MROH2B: variants seen among roughly 807,000 people sequenced by gnomAD.
The protein encoded by MROH2B is maestro heat-like repeat-containing protein family member 2B.
A neutral mutation model predicts 208.6 loss-of-function variants in MROH2B; 177 were observed. The observed-to-expected ratio is 0.85, with a 90% CI of 0.75 to 0.96. MROH2B has a LOEUF of 0.96. Among genes scored for constraint, MROH2B ranks in the 40% least tolerant of loss-of-function variants. The pLI is 0.00. For synonymous variants in MROH2B, 728 were observed against 659.0 expected, an observed-to-expected ratio of 1.10 and a Z score of -1.60; for missense variants, 2,002 against 1,878.7, an observed-to-expected ratio of 1.07 and a Z score of -1.21.
intron 17 of MROH2B, 115 bp from the exon 18 acceptor site, chr5:41,045,968 C>T: frequency 1.8e-6 from 1 of 547,484 alleles, no homozygotes; most frequent in Non-Finnish European, 3.0e-6. Context: ...AGTATTATTC[C>T]CTTTTCCATA....
chr5:41,008,742 A>G lies in MROH2B; in HGVS notation c.3472T>C (p.Leu1158=). The G allele has an allele frequency of 1.9e-6, 3 of 1,613,788 alleles. No homozygotes were observed. The highest frequency in any genetic ancestry group is 1.7e-6 in the Non-Finnish European group (2 of 1,179,794). ...AGGAGAGTGAACAGCTCTGGATACA[A>G]GCCGGTGACAGAGGTGCCCATTGAG... ...VISMGTSVTG[L]YPELFTLLLK... The change falls in exon 33 of 42, where the codon TTG becomes CTG. Residue 1158 remains leucine (L), a synonymous_variant. Coordinates refer to ENST00000399564, the MANE Select transcript of MROH2B (RefSeq NM_173489.5).
At chr5:41,005,493 G>C in intron 35 of MROH2B, 38 bp downstream of exon 35, 1 of 1,405,286 alleles carries the variant, frequency 7.1e-7, no homozygotes, top group South Asian at 1.2e-5. Context: ...ACCCTATGGG[G>C]ACCCAGTGAG....
intron 29 of MROH2B, among the ~76,000 whole-genome samples, chr5:41,013,410 A>G (rs149487908): frequency 6.6e-6 from 1 of 152,318 alleles, no homozygotes; most frequent in African/African-American, 2.4e-5. Flanking sequence ...AAAAAGGAGT[A>G]GGAAAGCAGG....
chr5:41,048,509 TA>T, intron 15 of MROH2B, 44 bp from the exon 16 acceptor site: 1 of 1,546,034 alleles, frequency 6.5e-7, no homozygotes, highest in Non-Finnish European at 8.7e-7. Context: ...CAGGGGCGTT[TA>T]AAAGCCCCAC....
Position 41,047,620 on chromosome 5 carries a change from G to A in MROH2B, c.1728+101C>T, listed in dbSNP as rs1743160776. ...TCTTTTCCAAAGAAAGGAAAAGGTT[G>A]TTTATTATCCTCAGGAATCTAGTTC... On this transcript the variant is annotated intron_variant, in intron 17 of 41. Coordinates refer to ENST00000399564, the MANE Select transcript of MROH2B (RefSeq NM_173489.5). 4.7e-6 allele frequency: 5 copies of A among 1,054,942 alleles called. No individual in the cohort carries two copies. In the East Asian group the frequency reaches 7.8e-5, roughly 16 times the overall value. 65.3% of individuals were successfully genotyped at this position (1,054,942 alleles called of 1,614,324 possible).
rs761869268 is a variant in MROH2B at position 41,009,394 on chromosome 5, T to A, written c.3306A>T (p.Thr1102=). Residue 1102 remains threonine, a synonymous_variant, in exon 32 of 42, where the codon ACA becomes ACT. Coordinates refer to ENST00000399564, the MANE Select transcript of MROH2B (RefSeq NM_173489.5). The part of the protein sequence containing the change: ...KPLPFDRDTK[T]LWKALAEKPA... Reference sequence around the variant, plus strand: ...GCTTTTCAGCCAGCGCCTTCCACAATGTCTTTGTGTCCCTAGGGTGGCAAA... The same window carrying A: ...GCTTTTCAGCCAGCGCCTTCCACAAAGTCTTTGTGTCCCTAGGGTGGCAAA... The A allele has an allele frequency of 1.2e-6, 2 of 1,613,796 alleles. No homozygotes were observed. The highest frequency in any genetic ancestry group is 3.3e-5 in the Admixed American group (2 of 60,008).
At chr5:41,041,979 AT>A in intron 19 of MROH2B, 112 bp downstream of exon 19, 1 of 562,266 alleles carries the variant, frequency 1.8e-6, no homozygotes, top group Admixed American at 3.3e-5. Context: ...GAGTGTATTA[AT>A]TGATAATTAT....
intron 24 of MROH2B, 127 bp from the exon 25 acceptor site, chr5:41,019,145 G>A: frequency 1.7e-6 from 2 of 1,189,742 alleles, no homozygotes; most frequent in Non-Finnish European, 2.4e-6. Flanking sequence ...TGACACGTTG[G>A]GATGTTGAGA....
At chr5:41,013,592 A>G (rs1741842725) in intron 29 of MROH2B, among the ~76,000 whole-genome samples, 1 of 152,152 alleles carries the variant, frequency 6.6e-6, no homozygotes, top group Non-Finnish European at 1.5e-5. Context: ...TTCCTTGAAT[A>G]TTTGCACATC....
rs988083262 is a variant in MROH2B, at chr5:41,007,193, T to G, written c.3749+121A>C. Reference sequence around the variant, plus strand: ...TTTCTTTCTTTCCTGTTTGTCCTCCTTCGACTATTAGTCCTAAGTGAATCA... The same window carrying G: ...TTTCTTTCTTTCCTGTTTGTCCTCCGTCGACTATTAGTCCTAAGTGAATCA... On this transcript the variant is annotated intron_variant, in intron 34 of 41. Transcript: ENST00000399564. The G allele has an allele frequency of 9.3e-5, 92 of 984,566 alleles. No homozygotes were observed. In the African/African-American group the frequency reaches 1.4e-3, roughly 15 times the overall value. The allele number at this position is 984,566 out of a possible 1,614,324, so 61.0% of individuals were successfully genotyped here. A position where few individuals can be genotyped will look rare whatever the true frequency, so the allele number is the denominator to read the frequency against.
Position 41,012,485 on chromosome 5 carries a change from C to A in MROH2B, c.3135+98G>T, listed in dbSNP as rs188683856. 311 of 1,321,436 alleles carry A rather than the reference C, an allele frequency of 2.4e-4. 1 individual carries two copies. The African/African-American group carries it at 3.9e-3, about 17-fold the overall frequency. 81.9% of individuals were successfully genotyped at this position (1,321,436 alleles called of 1,614,324 possible). On this transcript the variant is annotated intron_variant, in intron 30 of 41. Coordinates refer to ENST00000399564, the MANE Select transcript of MROH2B (RefSeq NM_173489.5). ...CCTCTTGAGGTTGTGCAAGCCTTTGCATGCTGCCCATCAGTGGACAAACAG... is the reference window on the plus strand; with the variant it reads ...CCTCTTGAGGTTGTGCAAGCCTTTGAATGCTGCCCATCAGTGGACAAACAG...
At position 41,052,473 on chromosome 5, in the gene MROH2B, T is replaced by C; in HGVS notation, c.1222A>G (p.Arg408Gly). 1 of 1,612,496 alleles carries C rather than the reference T, an allele frequency of 6.2e-7. No homozygotes were observed. The highest frequency in any genetic ancestry group is 8.5e-7 in the Non-Finnish European group (1 of 1,179,054). The change falls in exon 12 of 42, where the codon AGG (arginine) becomes GGG (glycine). Residue 408 changes from arginine to glycine, a missense_variant. By Grantham distance (125) the Arg-to-Gly change is moderately radical. Transcript: ENST00000399564. ...CTGTAGCCTCTGCATACCAGATTCC[T>C]GTTCAACGTTGCAAACTGGGAGAAG... Reference protein sequence around the residue: ...YVFSQFATLNRNLEKPVKTNF... With the variant: ...YVFSQFATLNGNLEKPVKTNF...
rs1305155860 is a variant in MROH2B at position 41,007,318 on chromosome 5, C to T, written c.3745G>A (p.Ala1249Thr). The T allele has an allele frequency of 7.1e-7, 1 of 1,414,934 alleles. No individual in the cohort carries two copies. Among genetic ancestry groups the T allele is most frequent in the South Asian group, 1.6e-5 (1 of 62,610 alleles). 87.6% of individuals were successfully genotyped at this position (1,414,934 alleles called of 1,614,324 possible). A position where few individuals can be genotyped will look rare whatever the true frequency, so the allele number is the denominator to read the frequency against. Residue 1249 changes from alanine to threonine, a missense_variant, in exon 34 of 42, where the codon GCC becomes ACC. By Grantham distance (58) the Ala-to-Thr change is moderately conservative (BLOSUM62 0). Transcript: ENST00000399564. ...STHHIGVCSL[A>T]RSMAVWQHGV... ...TCTAGAAAAAGTGCACATTACCTGG[C>T]CAGTGAACATACGCCTATGTGGTGG...
At chr5:41,004,989 A>G in intron 35 of MROH2B, 69 bp from the exon 36 acceptor site, 1 of 1,550,392 alleles carries the variant, frequency 6.4e-7, no homozygotes, top group Non-Finnish European at 8.7e-7. Flanking sequence ...AGTGCCAAAG[A>G]CATCACAAGT....
chr5:41,045,823 C>A lies in MROH2B; in HGVS notation c.1759G>T (p.Asp587Tyr), dbSNP rs1743101792. ...LLKESLWKISDVAWTIQLTQD... is the reference protein window; with the variant it reads ...LLKESLWKISYVAWTIQLTQD... The stretch of plus-strand genomic sequence containing the variant: ...GTCAGCTGAATGGTCCAGGCCACAT[C>A]ACTGATCTTCCATAAGGATTCTTTG... The change falls in exon 18 of 42, where the codon GAT becomes TAT. Residue 587 changes from aspartate (D) to tyrosine (Y), a missense_variant. Transcript: ENST00000399564. 6.2e-7 allele frequency: 1 copy of A among 1,612,950 alleles called. No individual in the cohort carries two copies. The highest frequency in any genetic ancestry group is 1.7e-5 in the Admixed American group (1 of 59,992).
At chr5:41,025,585 C>G (rs1742325153) in intron 24 of MROH2B, among the ~76,000 whole-genome samples, 1 of 152,150 alleles carries the variant, frequency 6.6e-6, no homozygotes, top group African/African-American at 2.4e-5. Flanking sequence ...GATGGATTCA[C>G]AGCCGAATTC....
intron 17 of MROH2B, 95 bp from the exon 18 acceptor site, chr5:41,045,948 TA>T: frequency 1.4e-6 from 1 of 729,844 alleles, no homozygotes; most frequent in East Asian, 2.9e-5. Flanking sequence ...AGTTTAAATA[TA>T]TTTTAAATAG....
rs931212074 is a variant in MROH2B, at chr5:41,070,734, G to A, written c.28+91C>T. The A allele has an allele frequency of 2.1e-5, 27 of 1,299,682 alleles. No homozygotes were observed. The East Asian group carries it at 3.4e-4, about 16-fold the overall frequency. 80.5% of individuals were successfully genotyped at this position (1,299,682 alleles called of 1,614,324 possible). The stretch of plus-strand genomic sequence containing the variant: ...AGGTGTACAGTCCTCCCACAATGAC[G>A]CGCCACTCCCAGCCCTCATATATAC... On this transcript the variant is annotated intron_variant, in intron 1 of 41. Transcript: ENST00000399564.
At chr5:41,006,936 A>G (rs560668509) in intron 34 of MROH2B, among the ~76,000 whole-genome samples, 6 of 152,292 alleles carry the variant, frequency 3.9e-5, no homozygotes, top group Non-Finnish European at 7.3e-5. Context: ...TCACTAAAGA[A>G]CTTATTCATG....
Sources: gnomAD v4.1 joint callset for allele counts (sites outside exome capture counted in the v4.1 genomes callset) on GRCh38, gnomAD v4.1.1 for gene constraint, MANE v1.5 for transcripts, NCBI Gene and HGNC (gene_info 2026-07-23, HGNC 2026-07-21) for gene names.